Variants in ZNHIT3 observed in about 807,000 individuals in gnomAD.
ZNHIT3 encodes zinc finger HIT-type containing 3, also known as zinc finger HIT domain-containing protein 3.
In ZNHIT3, 27 loss-of-function variants were observed where a neutral mutation model predicts 19.9. The observed-to-expected ratio is 1.36, with a 90% CI of 1.00 to 1.87. ZNHIT3 has a LOEUF of 1.87. Ranked by LOEUF, ZNHIT3 falls within the 40% of genes most tolerant of loss-of-function variation. The probability of loss-of-function intolerance (pLI) is 0.00; values close to 1 mark genes in which losing one functional copy is unlikely to be tolerated. For missense variants in ZNHIT3, 215 were observed against 185.6 expected (o/e 1.16, Z -0.92); for synonymous variants, 81 against 65.7 (o/e 1.23, Z -1.13).
chr17:36,490,907 C>T (rs2070711436), intron 2 of ZNHIT3: 1 of 152,154 alleles, frequency 6.6e-6, no homozygotes. Flanking sequence ...CCTTGACTTC[C>T]TGGGCTCAGG....
intron 2 of ZNHIT3, among the ~76,000 whole-genome samples, chr17:36,488,200 A>G (rs2070630604): frequency 6.6e-6 from 1 of 151,708 alleles, no homozygotes; most frequent in African/African-American, 2.4e-5. Flanking sequence ...CAGCAATGAG[A>G]CTGTACCCAA....
rs763435615 is a variant in ZNHIT3 at position 36,495,236 on chromosome 17, A to AT, written c.302dup (p.Leu101PhefsTer53). On this transcript the variant is annotated frameshift_variant, in exon 5 of 5. Transcript: ENST00000617429. LOFTEE classifies it high-confidence loss of function. ...GTTAATTTTTAGGGGAATCTGCAAC[A>AT]TTAAGAAGCTTATTGCTCAATCCAC... is the stretch of plus-strand genomic sequence containing the variant. The AT allele has an allele frequency of 6.3e-7, 1 of 1,575,932 alleles. No individual in the cohort carries two copies. Among genetic ancestry groups the AT allele is most frequent in the Non-Finnish European group, 8.6e-7 (1 of 1,166,962 alleles).
At chr17:36,494,029 A>ACC (rs764465933) in intron 4 of ZNHIT3, 23 bp downstream of exon 4, 57 of 1,545,560 alleles carry the variant, frequency 3.7e-5, no homozygotes, top group Non-Finnish European at 4.7e-5. Flanking sequence ...TATGCTTGTC[A>ACC]ATCGTTGAGA....
downstream of ZNHIT3, chr17:36,499,255 G>T: frequency 3.1e-5 from 24 of 777,938 alleles, no homozygotes; most frequent in East Asian, 9.2e-5. Flanking sequence ...TGCTGTCAAA[G>T]TTTCAAATAC....
chr17:36,496,279 G>A, downstream of ZNHIT3: 2 of 1,614,030 alleles, frequency 1.2e-6, no homozygotes, highest in Non-Finnish European at 8.5e-7. Flanking sequence ...GGCAGAAGAG[G>A]TCACGTGGAT....
chr17:36,493,410 C>T (rs2070771757), intron 3 of ZNHIT3: 1 of 174,612 alleles, frequency 5.7e-6, no homozygotes, highest in African/African-American at 2.4e-5. Context: ...GAAAGCAGCC[C>T]CTCTGGTGCC....
intron 2 of ZNHIT3, among the ~76,000 whole-genome samples, chr17:36,488,772 C>G (rs141380881): frequency 2.6e-3 from 396 of 152,304 alleles, no homozygotes; most frequent in Non-Finnish European, 2.8e-3. Flanking sequence ...GTTTAAGGAT[C>G]AAATTAGGGT....
At chr17:36,496,197 C>G, downstream of ZNHIT3, 1 of 1,603,946 alleles carries the variant, frequency 6.2e-7, no homozygotes, top group Non-Finnish European at 8.5e-7. Context: ...GATTAAATGT[C>G]TTTGGCAAGG....
downstream of ZNHIT3, chr17:36,499,034 A>T (rs2071258957): frequency 6.6e-7 from 1 of 1,517,366 alleles, no homozygotes; most frequent in African/African-American, 1.4e-5. Flanking sequence ...GGTCCCCAAA[A>T]TTGATCCACT....
chr17:36,496,031 G>GT, downstream of ZNHIT3: 3 of 781,286 alleles, frequency 3.8e-6, no homozygotes, highest in Non-Finnish European at 5.7e-6. Flanking sequence ...CCCTGATTTG[G>GT]TAACTACCAG....
chr17:36,499,264 A>G, downstream of ZNHIT3: 1 of 771,392 alleles, frequency 1.3e-6, no homozygotes, highest in Non-Finnish European at 2.1e-6. Context: ...AGTTTCAAAT[A>G]CGTTTTTTTT....
intron 1 of ZNHIT3, 46 bp downstream of exon 1, chr17:36,486,831 TG>T: frequency 9.9e-7 from 1 of 1,007,092 alleles, no homozygotes; most frequent in South Asian, 1.3e-5. Flanking sequence ...TGTCCGGCCA[TG>T]GCGGGAGGGC....
chr17:36,498,307 G>A (rs778418506), downstream of ZNHIT3: 3 of 1,613,918 alleles, frequency 1.9e-6, no homozygotes, highest in East Asian at 2.2e-5. Context: ...GCCTGGTCTT[G>A]TGCTGTCTGG....
At chr17:36,491,748 T>C (rs544242905) in intron 2 of ZNHIT3, 1 of 152,300 alleles carries the variant, frequency 6.6e-6, no homozygotes, top group Non-Finnish European at 1.5e-5. Flanking sequence ...TTGAGCACCT[T>C]AGACACAAAT....
chr17:36,494,549 C>A (rs569264012), intron 4 of ZNHIT3, among the ~76,000 whole-genome samples: 1 of 152,342 alleles, frequency 6.6e-6, no homozygotes, highest in East Asian at 1.9e-4. Flanking sequence ...CATTCTGTTA[C>A]ATGTGCATGG....
downstream of ZNHIT3, among the ~76,000 whole-genome samples, chr17:36,496,628 G>A (rs2071005185): frequency 6.6e-6 from 1 of 152,146 alleles, no homozygotes; most frequent in Non-Finnish European, 1.5e-5. Flanking sequence ...ACATTCCTAT[G>A]ACTGCTTAAA....
At chr17:36,494,894 T>G (rs1268794677) in intron 4 of ZNHIT3, among the ~76,000 whole-genome samples, 1 of 152,222 alleles carries the variant, frequency 6.6e-6, no homozygotes, top group Non-Finnish European at 1.5e-5. Context: ...AGCATTTTTT[T>G]CTTAGCTGAA....
At chr17:36,489,936 T>A (rs76909067) in intron 2 of ZNHIT3, 2 of 143,970 alleles carry the variant, frequency 1.4e-5, no homozygotes, top group African/African-American at 5.1e-5. Flanking sequence ...TCCACTTAAT[T>A]TTTTTTTTTT....
chr17:36,498,909 G>A, downstream of ZNHIT3: 1 of 616,944 alleles, frequency 1.6e-6, no homozygotes. Flanking sequence ...TGCAGGGTAG[G>A]TGTTACTGTG....
Sources: allele counts gnomAD v4.1 joint callset (sites outside exome capture counted in the v4.1 genomes callset), GRCh38; gene constraint gnomAD v4.1.1; transcripts MANE v1.5; gene names NCBI Gene and HGNC (gene_info 2026-07-23, HGNC 2026-07-21).